TMEM176A: variants seen among roughly 807,000 people sequenced by gnomAD.
TMEM176A encodes the protein hepatocellular carcinoma-associated antigen 112.
A neutral mutation model predicts 27.9 loss-of-function variants in TMEM176A; 20 were observed. The ratio of observed to expected loss-of-function variants is 0.72; its 90% CI spans 0.50 to 1.04. The LOEUF (loss-of-function observed/expected upper bound fraction) is 1.04. Among genes scored for constraint, TMEM176A ranks in the 50% least tolerant of loss-of-function variants. The probability of loss-of-function intolerance (pLI) is 0.00; values close to 1 mark genes in which losing one functional copy is unlikely to be tolerated. For synonymous variants in TMEM176A, 125 were observed against 118.0 expected (o/e 1.06, Z -0.38); for missense variants, 252 against 289.1 (o/e 0.87, Z 0.93).
At chr7:150,801,026 G>A in intron 1 of TMEM176A, 198 bp downstream of exon 1, 1 of 982,464 alleles carries the variant, frequency 1.0e-6, no homozygotes, top group Non-Finnish European at 1.2e-6. Flanking sequence ...CACGGGGCAG[G>A]GGCGGCGTGA....
rs568805683 is a variant in TMEM176A at position 150,803,310 on chromosome 7, T to C, written c.286-90T>C. On this transcript the variant is annotated intron_variant, in intron 3 of 6. Transcript: ENST00000004103. ...CATGAAACCTCCCGCCCAAGCTGTG[T>C]GCTGGGGAAGGGCCTGCATGGAGGC... 2.2e-5 allele frequency: 33 copies of C among 1,482,226 alleles called. No homozygotes were observed. The Admixed American group carries it at 4.9e-4, about 22-fold the overall frequency. 91.8% of individuals were successfully genotyped at this position (1,482,226 alleles called of 1,614,324 possible). A position where few individuals can be genotyped will look rare whatever the true frequency, so the allele number is the denominator to read the frequency against.
intron 3 of TMEM176A, chr7:150,803,134 A>T: frequency 1.7e-6 from 2 of 1,173,404 alleles, no homozygotes; most frequent in African/African-American, 1.6e-5. Context: ...GGTGTTGTTT[A>T]AAAAGGAAGG....
At chr7:150,803,293 C>T (rs1798854341) in intron 3 of TMEM176A, 107 bp from the exon 4 acceptor site, 1 of 1,446,152 alleles carries the variant, frequency 6.9e-7, no homozygotes, top group Non-Finnish European at 9.1e-7. Context: ...AGCATGAAAC[C>T]TCCCGCCCAA....
intron 1 of TMEM176A, 30 bp downstream of exon 1, chr7:150,800,858 C>CA: frequency 1.0e-6 from 1 of 966,694 alleles, no homozygotes. Flanking sequence ...CCGGCGGCCC[C>CA]CGGGCCTCCT....
At chr7:150,804,540 C>A in intron 6 of TMEM176A, 68 bp downstream of exon 6, 1 of 1,377,564 alleles carries the variant, frequency 7.3e-7, no homozygotes, top group Non-Finnish European at 1.0e-6. Flanking sequence ...CAGGAATGGA[C>A]AGTGGACAGT....
intron 3 of TMEM176A, 135 bp from the exon 4 acceptor site, chr7:150,803,265 C>A: frequency 7.1e-7 from 1 of 1,401,652 alleles, no homozygotes; most frequent in South Asian, 1.8e-5. Flanking sequence ...AATTATCTTA[C>A]CATGGATAAT....
intron 2 of TMEM176A, 123 bp downstream of exon 2, chr7:150,801,847 G>C: frequency 9.7e-7 from 1 of 1,029,042 alleles, no homozygotes; most frequent in Non-Finnish European, 1.4e-6. Context: ...CTTACTTAGC[G>C]ATGTGATTCT....
At chr7:150,804,060 G>T (rs545583678) in intron 5 of TMEM176A, among the ~76,000 whole-genome samples, 8 of 152,346 alleles carry the variant, frequency 5.3e-5, no homozygotes, top group African/African-American at 1.4e-4. Flanking sequence ...AACCACTATA[G>T]CAAGTGTGCC....
At position 150,804,360 on chromosome 7, in the gene TMEM176A, AGGCC is replaced by A. The variant is rs1197744235; in HGVS notation, c.556-1_558del. On this transcript the variant is annotated splice_acceptor_variant and coding_sequence_variant, in exon 6 of 7. Transcript: ENST00000004103. LOFTEE classifies it high-confidence loss of function. ...CTTATGGCCTTGGCCCTCTGTCCCC[AGGCC>A]TTGTTCAGAACCCTTCAGGCCATGC... 1 of 1,613,310 alleles carries A rather than the reference AGGCC, an allele frequency of 6.2e-7. No homozygotes were observed.
intron 2 of TMEM176A, 113 bp from the exon 3 acceptor site, chr7:150,802,099 CTCT>C: frequency 1.3e-6 from 1 of 742,106 alleles, no homozygotes; most frequent in South Asian, 1.7e-5. Context: ...CTCTTCTCTT[CTCT>C]TCTTTCTTTC....
chr7:150,804,835 C>T lies in TMEM176A; in HGVS notation c.675C>T (p.Asp225=). Residue 225 remains aspartate (D), a synonymous_variant, in exon 7 of 7, where the codon GAC becomes GAT. Transcript: ENST00000004103. ...CTTTCCTCTTCCATTAGAAAAGAGACCAGAAGGAAATGTTGGAAGTGAGTG... is the reference window on the plus strand; with the variant it reads ...CTTTCCTCTTCCATTAGAAAAGAGATCAGAAGGAAATGTTGGAAGTGAGTG... ...WRMFPTKGKR[D]QKEMLEVSGI 6 of 1,614,138 alleles carry T rather than the reference C, an allele frequency of 3.7e-6. No homozygotes were observed. The highest frequency in any genetic ancestry group is 1.7e-5 in the Admixed American group (1 of 60,020).
intron 3 of TMEM176A, chr7:150,803,139 G>C: frequency 3.4e-6 from 4 of 1,188,940 alleles, no homozygotes; most frequent in Non-Finnish European, 4.2e-6. Flanking sequence ...TGTTTAAAAA[G>C]GAAGGTTTAG....
At chr7:150,802,081 C>CTCCTT (rs1563049242) in intron 2 of TMEM176A, 134 bp from the exon 3 acceptor site, 2 of 640,330 alleles carry the variant, frequency 3.1e-6, no homozygotes, top group Non-Finnish European at 5.4e-6. Context: ...CTCCTTTTCT[C>CTCCTT]TTCTCTTCTC....
At position 150,803,617 on chromosome 7, in the gene TMEM176A, C is replaced by T. The variant is rs878914803; in HGVS notation, c.343-3C>T. The T allele has an allele frequency of 6.2e-7, 1 of 1,613,878 alleles. No homozygotes were observed. The highest frequency in any genetic ancestry group is 8.5e-7 in the Non-Finnish European group (1 of 1,179,972). ...GATTTCTCTCTGCCTCCTCCCTCCC[C>T]AGGCCCTGCTGAGGACTCTGCTAAC... On this transcript the variant is annotated splice_polypyrimidine_tract_variant and splice_region_variant and intron_variant, in intron 4 of 6. Coordinates refer to ENST00000004103, the MANE Select transcript of TMEM176A (RefSeq NM_018487.3).
At chr7:150,803,554 T>C in intron 4 of TMEM176A, 66 bp from the exon 5 acceptor site, 1 of 1,593,270 alleles carries the variant, frequency 6.3e-7, no homozygotes. Flanking sequence ...TTGCCCTTTT[T>C]TCCCCCGACT....
rs1798894691 is a variant in TMEM176A, at chr7:150,805,107, T to A, written c.*239T>A. The A allele has an allele frequency of 1.9e-6, 1 of 517,490 alleles. No individual in the cohort carries two copies. Among genetic ancestry groups the A allele is most frequent in the Non-Finnish European group, 3.4e-6 (1 of 293,408 alleles). The allele number at this position is 517,490 out of a possible 1,614,324, so 32.1% of individuals were successfully genotyped here. A position where few individuals can be genotyped will look rare whatever the true frequency, so the allele number is the denominator to read the frequency against. On this transcript the variant is annotated 3_prime_UTR_variant, in exon 7 of 7. Transcript: ENST00000004103. ...AGTCATGTGATAATAAACTCTCATG[T>A]TATTGTTCCCAGGTTCTCGCTTAGT... is the stretch of plus-strand genomic sequence containing the variant.
chr7:150,802,118 C>G (rs1190342625), intron 2 of TMEM176A, 97 bp from the exon 3 acceptor site: 5 of 841,894 alleles, frequency 5.9e-6, no homozygotes, highest in East Asian at 2.5e-5. Flanking sequence ...CTTTCTCTCT[C>G]TCTCTACCTC....
chr7:150,803,622 C>G lies in TMEM176A; in HGVS notation c.345C>G (p.Ala115=). The change falls in exon 5 of 7, where the codon GCC becomes GCG. Residue 115 remains alanine (A), a splice_region_variant and synonymous_variant. Transcript: ENST00000004103. ...IYEKRGGTYW[A]LLRTLLTLAA... ...CTCTCTGCCTCCTCCCTCCCCAGGC[C>G]CTGCTGAGGACTCTGCTAACGCTGG... The G allele has an allele frequency of 1.2e-6, 2 of 1,613,910 alleles. No homozygotes were observed. The highest frequency in any genetic ancestry group is 1.7e-6 in the Non-Finnish European group (2 of 1,179,934).
intron 6 of TMEM176A, 156 bp downstream of exon 6, chr7:150,804,628 C>A: frequency 2.3e-6 from 2 of 860,072 alleles, no homozygotes; most frequent in Non-Finnish European, 3.7e-6. Context: ...GTGGCCCAGC[C>A]CAGAAAGCCC....
Sources: allele counts gnomAD v4.1 joint callset (sites outside exome capture counted in the v4.1 genomes callset), GRCh38; gene constraint gnomAD v4.1.1; transcripts MANE v1.5; gene names NCBI Gene and HGNC (gene_info 2026-07-23, HGNC 2026-07-21).